MTFMT: variants seen among roughly 807,000 people sequenced by gnomAD.
MTFMT encodes methionyl-tRNA formyltransferase, mitochondrial.
Under a neutral mutation model 51.8 loss-of-function variants are expected in MTFMT, and 47 were observed. That is an observed-to-expected ratio of 0.91 (90% CI 0.72 to 1.16). The LOEUF (loss-of-function observed/expected upper bound fraction) is 1.16, where lower values mean the gene tolerates loss of function less well. MTFMT is among the 50% of genes most tolerant of loss of function. The pLI is 0.00. For synonymous variants in MTFMT, 196 were observed against 176.7 expected (o/e 1.11, Z -0.87); for missense variants, 512 against 482.3 (o/e 1.06, Z -0.58).
chr15:65,006,864 C>T (rs2086223837), intron 6 of MTFMT, among the ~76,000 whole-genome samples: 1 of 152,044 alleles, frequency 6.6e-6, no homozygotes, highest in African/African-American at 2.4e-5. Context: ...ATGTGCATTT[C>T]CCTGTATTTT....
At chr15:65,028,276 C>T (rs529912823) in intron 1 of MTFMT, among the ~76,000 whole-genome samples, 11 of 152,190 alleles carry the variant, frequency 7.2e-5, no homozygotes, top group East Asian at 1.9e-4. Context: ...AAAAATCAGG[C>T]GTGGTGGTGC....
chr15:65,019,349 C>A (rs556633026), intron 5 of MTFMT, among the ~76,000 whole-genome samples: 28 of 151,846 alleles, frequency 1.8e-4, no homozygotes, highest in Middle Eastern at 3.4e-3. Context: ...TTTACATATT[C>A]AAAAAATAAC....
chr15:65,020,141 C>A (rs2086359501), intron 5 of MTFMT, 56 bp downstream of exon 5: 2 of 1,487,268 alleles, frequency 1.3e-6, no homozygotes, highest in Non-Finnish European at 9.2e-7. Context: ...TGTTCAGATG[C>A]TATCGTGACA....
At chr15:65,023,609 C>CA (rs1461893164) in intron 3 of MTFMT, 63 bp downstream of exon 3, 5 of 1,565,556 alleles carry the variant, frequency 3.2e-6, no homozygotes, top group East Asian at 4.6e-5. Flanking sequence ...CACTGCCCCC[C>CA]AAACAGGCTG....
At chr15:65,017,637 C>T (rs1164430090) in intron 5 of MTFMT, among the ~76,000 whole-genome samples, 3 of 152,150 alleles carry the variant, frequency 2.0e-5, no homozygotes, top group African/African-American at 7.2e-5. Flanking sequence ...GTCTCTACAA[C>T]AAATTAAAAA....
At chr15:65,008,541 C>A (rs2086237266) in intron 6 of MTFMT, among the ~76,000 whole-genome samples, 1 of 152,196 alleles carries the variant, frequency 6.6e-6, no homozygotes, top group African/African-American at 2.4e-5. Context: ...TTGGACCCAG[C>A]TAGTTAGTAG....
intron 3 of MTFMT, among the ~76,000 whole-genome samples, chr15:65,023,193 G>A (rs1251330528): frequency 6.6e-6 from 1 of 152,100 alleles, no homozygotes; most frequent in African/African-American, 2.4e-5. Context: ...CTAAAAAATT[G>A]TTCTAAATTG....
At chr15:65,007,846 T>A (rs1485069357) in intron 6 of MTFMT, among the ~76,000 whole-genome samples, 1 of 152,230 alleles carries the variant, frequency 6.6e-6, no homozygotes, top group East Asian at 1.9e-4. Flanking sequence ...GCCTTTTAAC[T>A]CTTACATGTG....
At position 65,003,038 on chromosome 15, in the gene MTFMT, G is replaced by A. The variant is rs771725066; in HGVS notation, c.*24C>T. The A allele has an allele frequency of 7.3e-7, 1 of 1,366,328 alleles. No homozygotes were observed. Among genetic ancestry groups the A allele is most frequent in the Non-Finnish European group, 9.7e-7 (1 of 1,027,312 alleles). The allele number at this position is 1,366,328 out of a possible 1,614,324, so 84.6% of individuals were successfully genotyped here. A position where few individuals can be genotyped will look rare whatever the true frequency, so the allele number is the denominator to read the frequency against. Reference sequence around the variant, plus strand: ...TTTAATAAATTACAAATATGTAATAGGTTTTTATCCATCTTCTTCCTAACT... The same window carrying A: ...TTTAATAAATTACAAATATGTAATAAGTTTTTATCCATCTTCTTCCTAACT... On this transcript the variant is annotated 3_prime_UTR_variant, in exon 9 of 9. Coordinates refer to ENST00000220058, the MANE Select transcript of MTFMT (RefSeq NM_139242.4).
chr15:65,022,434 C>G (rs112856991), intron 3 of MTFMT, among the ~76,000 whole-genome samples: 1 of 149,056 alleles, frequency 6.7e-6, no homozygotes, highest in Non-Finnish European at 1.5e-5. Context: ...GCCGGGGTGA[C>G]AGAGTGAGAC....
At chr15:65,019,539 A>G (rs758643591) in intron 5 of MTFMT, among the ~76,000 whole-genome samples, 4 of 152,202 alleles carry the variant, frequency 2.6e-5, no homozygotes, top group Non-Finnish European at 5.9e-5. Context: ...TAATTATAGG[A>G]AATATAAGAG....
At chr15:65,014,934 ATT>A (rs57853235) in intron 6 of MTFMT, among the ~76,000 whole-genome samples, 61 of 124,446 alleles carry the variant, frequency 4.9e-4, no homozygotes, top group South Asian at 7.6e-4. Flanking sequence ...GCCTGGCCTG[ATT>A]TTTTTTTTTT....
In MTFMT at chr15:65,016,418, C is replaced by T. The variant is rs771835667; in HGVS notation, c.813+18G>A. ...GAAAACCAACTAGGTAGAACTGCAA[C>T]CTGACTTCCCAACTTACTATATTTC... On this transcript the variant is annotated intron_variant, in intron 6 of 8. Transcript: ENST00000220058. The T allele has an allele frequency of 9.1e-6, 14 of 1,536,294 alleles. No homozygotes were observed. Among genetic ancestry groups the T allele is most frequent in the East Asian group, 4.6e-5 (2 of 43,376 alleles).
intron 2 of MTFMT, chr15:65,026,251 T>C (rs1453517033): frequency 6.1e-6 from 1 of 163,458 alleles, no homozygotes; most frequent in Non-Finnish European, 1.4e-5. Context: ...CAAATGGTCT[T>C]TTTCAATGCG....
chr15:65,015,002 T>C (rs975500452), intron 6 of MTFMT, among the ~76,000 whole-genome samples: 1 of 151,656 alleles, frequency 6.6e-6, no homozygotes, highest in Admixed American at 6.6e-5. Flanking sequence ...TAGTACCTAG[T>C]ACACTGCTTG....
At chr15:65,021,655 C>T (rs2140486056) in intron 3 of MTFMT, 39 bp from the exon 4 acceptor site, 1 of 1,437,252 alleles carries the variant, frequency 7.0e-7, no homozygotes, top group African/African-American at 1.4e-5. Flanking sequence ...CAATGATTAC[C>T]ATTTCCTGAA....
intron 2 of MTFMT, among the ~76,000 whole-genome samples, chr15:65,024,485 T>C (rs1186521218): frequency 6.6e-6 from 1 of 151,734 alleles, no homozygotes; most frequent in Non-Finnish European, 1.5e-5. Context: ...TTGGTTTACA[T>C]ACAGACTGCC....
intron 8 of MTFMT, among the ~76,000 whole-genome samples, chr15:65,004,102 C>T (rs553959694): frequency 5.4e-4 from 82 of 151,974 alleles, no homozygotes; most frequent in African/African-American, 1.8e-3. Context: ...CCACAACCTC[C>T]GCTTCCCGGG....
intron 3 of MTFMT, among the ~76,000 whole-genome samples, chr15:65,022,549 G>C (rs1165663343): frequency 6.6e-6 from 1 of 150,934 alleles, no homozygotes; most frequent in East Asian, 1.9e-4. Flanking sequence ...AGGTTTTCAT[G>C]AGCAATATGC....
Sources: allele counts gnomAD v4.1 joint callset (sites outside exome capture counted in the v4.1 genomes callset), GRCh38; gene constraint gnomAD v4.1.1; transcripts MANE v1.5; gene names NCBI Gene and HGNC (gene_info 2026-07-23, HGNC 2026-07-21).